Variants in NUP160 observed in about 807,000 individuals in gnomAD.
The protein encoded by NUP160 is nuclear pore complex protein Nup160.
NUP160 carries 94 observed loss-of-function variants against 196.9 expected under a neutral mutation model. That is an observed-to-expected ratio of 0.48 (90% confidence interval 0.40 to 0.57). The LOEUF is 0.57. Among genes scored for constraint, NUP160 ranks in the 20% least tolerant of loss-of-function variants. NUP160 has a pLI of 0.00. For synonymous variants in NUP160, 605 were observed against 619.7 expected (o/e 0.98, Z 0.35); for missense variants, 1,638 against 1,748.3 (o/e 0.94, Z 1.13).
chr11:47,793,435 T>A (rs1249857947), intron 27 of NUP160, among the ~76,000 whole-genome samples: 2 of 152,140 alleles, frequency 1.3e-5, no homozygotes, highest in Non-Finnish European at 2.9e-5. Context: ...GGAACCCTTT[T>A]GTACTGTTGC....
At chr11:47,815,637 C>T (rs780322716) in exon 13 of NUP160, 24 of 1,591,400 alleles carry the variant, frequency 1.5e-5, no homozygotes, top group Admixed American at 1.9e-5. Flanking sequence ...TACTCTGTTA[C>T]ACTTCCTTGA....
At chr11:47,819,553 C>T (rs1851815156) in intron 9 of NUP160, 95 bp from the exon 10 acceptor site, 2 of 698,834 alleles carry the variant, frequency 2.9e-6, no homozygotes, top group South Asian at 2.0e-5. Context: ...GACCCCATCA[C>T]GGAACCCGGC....
chr11:47,819,835 G>A (rs970814266), intron 9 of NUP160, among the ~76,000 whole-genome samples: 1 of 152,140 alleles, frequency 6.6e-6, no homozygotes, highest in African/African-American at 2.4e-5. Flanking sequence ...CATTATTCAT[G>A]TATGCCTTAT....
At chr11:47,813,403 A>C in exon 14 of NUP160, 1 of 1,608,084 alleles carries the variant, frequency 6.2e-7, no homozygotes, top group South Asian at 1.1e-5. Context: ...GGAATAAGGA[A>C]AGACAGGTAC....
rs1050071913 is a variant in NUP160 at position 47,848,060 on chromosome 11, A to G, written c.203-101T>C. The G allele has an allele frequency of 8.6e-6, 11 of 1,274,192 alleles. No individual in the cohort carries two copies. In the East Asian group the frequency reaches 1.6e-4, roughly 19 times the overall value. 78.9% of individuals were successfully genotyped at this position (1,274,192 alleles called of 1,614,324 possible). A position where few individuals can be genotyped will look rare whatever the true frequency, so the allele number is the denominator to read the frequency against. On this transcript the variant is annotated intron_variant, in intron 1 of 35. Coordinates refer to ENST00000378460, the Ensembl canonical transcript of NUP160. Reference sequence around the variant, plus strand: ...AGAGTGACAGACTGACAACCCATACAAAGAAAAGAGGAAAACGTCGGACAT... The same window carrying G: ...AGAGTGACAGACTGACAACCCATACGAAGAAAAGAGGAAAACGTCGGACAT...
chr11:47,848,076 C>G lies in NUP160; in HGVS notation c.203-117G>C, dbSNP rs887558140. On this transcript the variant is annotated intron_variant, in intron 1 of 35. Coordinates refer to ENST00000378460, the Ensembl canonical transcript of NUP160. Reference sequence around the variant, plus strand: ...AACCCATACAAAGAAAAGAGGAAAACGTCGGACATCAAGGAATCTCTGATC... The same window carrying G: ...AACCCATACAAAGAAAAGAGGAAAAGGTCGGACATCAAGGAATCTCTGATC... 97 of 1,263,114 alleles carry G rather than the reference C, an allele frequency of 7.7e-5. No homozygotes were observed. In the African/African-American group the frequency reaches 1.3e-3, roughly 17 times the overall value. 78.2% of individuals were successfully genotyped at this position (1,263,114 alleles called of 1,614,324 possible). A position where few individuals can be genotyped will look rare whatever the true frequency, so the allele number is the denominator to read the frequency against.
intron 19 of NUP160, chr11:47,806,579 G>C: frequency 3.0e-6 from 1 of 332,120 alleles, no homozygotes; most frequent in Non-Finnish European, 5.5e-6. Context: ...GCCTTCCCTA[G>C]AAATTCTTCA....
intron 27 of NUP160, among the ~76,000 whole-genome samples, chr11:47,797,164 A>C (rs565376701): frequency 0.011 from 894 of 79,368 alleles, 4 homozygotes; most frequent in Non-Finnish European, 0.017. Context: ...GAGAAGGCTA[A>C]TGGTGAAATA....
At chr11:47,843,449 A>G (rs115046170) in intron 2 of NUP160, among the ~76,000 whole-genome samples, 16 of 152,004 alleles carry the variant, frequency 1.1e-4, no homozygotes, top group African/African-American at 2.7e-4. Context: ...TTCAACTCTC[A>G]CTTCAGTTAC....
chr11:47,811,992 T>C (rs1189000401), intron 17 of NUP160, 72 bp downstream of exon 17: 1 of 1,420,758 alleles, frequency 7.0e-7, no homozygotes. Flanking sequence ...AGGGCTGACA[T>C]TTTGCTCCTA....
chr11:47,821,931 G>A (rs1851866594), intron 8 of NUP160, 110 bp from the exon 9 acceptor site: 25 of 1,006,128 alleles, frequency 2.5e-5, no homozygotes, highest in Non-Finnish European at 3.4e-5. Context: ...ACAAAACATG[G>A]TACCACATGA....
At chr11:47,795,513 T>C (rs1293929766) in intron 27 of NUP160, among the ~76,000 whole-genome samples, 1 of 152,184 alleles carries the variant, frequency 6.6e-6, no homozygotes, top group Non-Finnish European at 1.5e-5. Flanking sequence ...CATCTACTTT[T>C]TTCCAATGAA....
At chr11:47,791,577 G>A (rs780364850) in intron 29 of NUP160, among the ~76,000 whole-genome samples, 7 of 152,106 alleles carry the variant, frequency 4.6e-5, no homozygotes, top group African/African-American at 9.7e-5. Context: ...CTGACCTCAG[G>A]TGATCCACCT....
At chr11:47,844,681 CT>C (rs1272155655) in intron 2 of NUP160, among the ~76,000 whole-genome samples, 16 of 152,162 alleles carry the variant, frequency 1.1e-4, no homozygotes, top group Admixed American at 1.0e-3. Flanking sequence ...ATGCTGTTCC[CT>C]TTTTCCTATT....
At chr11:47,845,392 G>A (rs1003096013) in intron 2 of NUP160, among the ~76,000 whole-genome samples, 1 of 152,088 alleles carries the variant, frequency 6.6e-6, no homozygotes, top group African/African-American at 2.4e-5. Context: ...CACCTGCCTC[G>A]GCCTCCTAAA....
chr11:47,778,874 CA>C (rs2097659013), exon 36 of NUP160: 1 of 403,490 alleles, frequency 2.5e-6, no homozygotes, highest in Non-Finnish European at 4.5e-6. Flanking sequence ...GAATCATATA[CA>C]AAAGCAGCTA....
At chr11:47,845,004 C>G (rs747268014) in intron 2 of NUP160, among the ~76,000 whole-genome samples, 1 of 152,214 alleles carries the variant, frequency 6.6e-6, no homozygotes, top group Non-Finnish European at 1.5e-5. Flanking sequence ...ATGGCAACAT[C>G]AGGAAGTTAC....
At chr11:47,779,260 A>G (rs2097659253) in intron 35 of NUP160, 66 bp from the exon 36 acceptor site, 5 of 1,058,826 alleles carry the variant, frequency 4.7e-6, no homozygotes, top group East Asian at 4.8e-5. Context: ...GAAGTTATTA[A>G]TAACTTTGAC....
exon 26 of NUP160, chr11:47,798,065 A>G: frequency 6.3e-7 from 1 of 1,578,478 alleles, no homozygotes; most frequent in Non-Finnish European, 8.6e-7. Flanking sequence ...GCCGTAAACA[A>G]TCTAATTGCC....
Sources: gnomAD v4.1 joint callset for allele counts (sites outside exome capture counted in the v4.1 genomes callset) on GRCh38, gnomAD v4.1.1 for gene constraint, MANE v1.5 for transcripts, NCBI Gene and HGNC (gene_info 2026-07-23, HGNC 2026-07-21) for gene names.